TPTE: variants seen among roughly 807,000 people sequenced by gnomAD.
The protein encoded by TPTE is transmembrane phosphatase with tensin homology.
Under a neutral mutation model 84.1 loss-of-function variants are expected in TPTE, and 59 were observed. That is an observed-to-expected ratio of 0.70 (90% CI 0.57 to 0.87). TPTE has a LOEUF of 0.87. Ranked by LOEUF, TPTE falls within the 40% of genes least tolerant of loss-of-function variation. The pLI is 0.00. For missense variants in TPTE, 382 were observed against 659.6 expected (o/e 0.58, Z 4.61); for synonymous variants, 130 against 223.5 (o/e 0.58, Z 3.73).
chr21:10,566,768 G>C (rs2074929824), intron 10 of TPTE, among the ~76,000 whole-genome samples: 1 of 152,304 alleles, frequency 6.6e-6, no homozygotes, highest in South Asian at 2.1e-4. Flanking sequence ...CCTGAAGTCG[G>C]GAGTTCGAGA....
intron 17 of TPTE, among the ~76,000 whole-genome samples, chr21:10,583,080 C>T (rs2075298872): frequency 6.6e-6 from 1 of 152,312 alleles, no homozygotes. Flanking sequence ...CACATGTGGC[C>T]ACATTTTTGT....
intron 4 of TPTE, among the ~76,000 whole-genome samples, chr21:10,539,934 G>A (rs1362382328): frequency 4.1e-4 from 62 of 152,402 alleles, no homozygotes; most frequent in African/African-American, 1.3e-3. Context: ...GCTTGAACCC[G>A]GGAGGCAGAG....
intron 3 of TPTE, among the ~76,000 whole-genome samples, chr21:10,529,499 T>C (rs894248850): frequency 1.3e-5 from 2 of 152,312 alleles, no homozygotes; most frequent in African/African-American, 4.8e-5. Flanking sequence ...GCATTCACTT[T>C]CTTATTGTTA....
At chr21:10,573,909 T>C (rs1479489042) in intron 14 of TPTE, among the ~76,000 whole-genome samples, 49 of 152,374 alleles carry the variant, frequency 3.2e-4, no homozygotes, top group African/African-American at 1.0e-3. Flanking sequence ...GGCTCAAAAT[T>C]ATATATTAAT....
At chr21:10,593,085 C>T (rs1194948372) in intron 19 of TPTE, among the ~76,000 whole-genome samples, 1 of 152,306 alleles carries the variant, frequency 6.6e-6, no homozygotes, top group Non-Finnish European at 1.5e-5. Context: ...CATCACATTG[C>T]TGCAACAGTA....
chr21:10,531,201 G>A (rs573794346), intron 3 of TPTE, among the ~76,000 whole-genome samples: 17 of 152,424 alleles, frequency 1.1e-4, no homozygotes, highest in South Asian at 8.3e-4. Flanking sequence ...CCCCCAAACC[G>A]TATGTTGAAA....
Position 10,605,494 on chromosome 21 carries a change from T to G in TPTE, c.1598T>G (p.Val533Gly), listed in dbSNP as rs1211489256. The change falls in exon 24 of 24, where the codon GTG becomes GGG. Residue 533 changes from valine to glycine, a missense_variant. By Grantham distance (109) the Val-to-Gly change is moderately radical (BLOSUM62 -3). Around this residue, in one of 10 missense-constraint regions of TPTE, gnomAD observed 120 missense variants for 79.1 expected, o/e 1.52. Coordinates refer to ENST00000618007, the MANE Select transcript of TPTE (RefSeq NM_199261.4). ...AGAATTTATCCATCAGATTTTGCCG[T>G]GGAGATACTTTTTGGCGAGAAAATG... is the stretch of plus-strand genomic sequence containing the variant. ...ARRIYPSDFAVEILFGEKMTS... is the reference protein window; with the variant it reads ...ARRIYPSDFAGEILFGEKMTS... 6 of 1,614,112 alleles carry G rather than the reference T, an allele frequency of 3.7e-6. No homozygotes were observed. The highest frequency in any genetic ancestry group is 5.1e-6 in the Non-Finnish European group (6 of 1,180,016).
chr21:10,543,014 CTTT>C (rs1051322060), intron 6 of TPTE, among the ~76,000 whole-genome samples: 1 of 72,272 alleles, frequency 1.4e-5, no homozygotes, highest in East Asian at 5.5e-4. Context: ...TGACTGTATT[CTTT>C]TTTTTTTTTT....
chr21:10,556,792 GTGA>G (rs1169060599), intron 8 of TPTE, among the ~76,000 whole-genome samples: 18 of 152,306 alleles, frequency 1.2e-4, no homozygotes, highest in Non-Finnish European at 2.2e-4. Flanking sequence ...CTGATGGCCA[GTGA>G]TGATGAGCAT....
chr21:10,561,299 C>T, intron 10 of TPTE, 108 bp downstream of exon 10: 1 of 1,420,000 alleles, frequency 7.0e-7, no homozygotes, highest in Non-Finnish European at 9.6e-7. Context: ...CGAGACGATC[C>T]TGGCCAACAT....
At chr21:10,549,971 C>G (rs1270709481) in intron 7 of TPTE, among the ~76,000 whole-genome samples, 3 of 152,308 alleles carry the variant, frequency 2.0e-5, no homozygotes, top group African/African-American at 7.2e-5. Context: ...AGCTGATTTC[C>G]CAGTGGAAAC....
At chr21:10,542,215 C>T (rs527999564) in intron 5 of TPTE, among the ~76,000 whole-genome samples, 180 bp from the exon 6 acceptor site, 21 of 152,416 alleles carry the variant, frequency 1.4e-4, no homozygotes, top group Admixed American at 3.9e-4. Flanking sequence ...TTTTGGTTGT[C>T]GCCATATAAA....
At chr21:10,567,283 CAAT>C (rs1198005797) in intron 10 of TPTE, among the ~76,000 whole-genome samples, 13 of 152,290 alleles carry the variant, frequency 8.5e-5, no homozygotes, top group Non-Finnish European at 1.6e-4. Flanking sequence ...CCATAGTCAA[CAAT>C]AACTTGATTG....
rs745681114 is a variant in TPTE, at chr21:10,567,743, G to T, written c.520G>T (p.Val174Phe). The T allele has an allele frequency of 6.2e-7, 1 of 1,613,468 alleles. No homozygotes were observed. Among genetic ancestry groups the T allele is most frequent in the African/African-American group, 1.3e-5 (1 of 74,940 alleles). Residue 174 changes from valine (V) to phenylalanine (F), a missense_variant, in exon 11 of 24, where the codon GTC (valine) becomes TTC (phenylalanine). This residue lies in a region of TPTE where 85 missense variants were observed against 230.9 expected (regional missense o/e 0.37). Transcript: ENST00000618007. ...AIIVILLLVDVVYIFFDIKLL... is the reference protein window; with the variant it reads ...AIIVILLLVDFVYIFFDIKLL... ...TATTGTGATTCTTCTGCTGGTTGAT[G>T]TCGTTTACATTTTTTTTGACATTAA...
chr21:10,592,907 T>A (rs375599413), intron 19 of TPTE, among the ~76,000 whole-genome samples: 2 of 152,308 alleles, frequency 1.3e-5, no homozygotes, highest in Admixed American at 6.5e-5. Context: ...TCAAAACCCC[T>A]TCTGTATCCC....
intron 17 of TPTE, among the ~76,000 whole-genome samples, chr21:10,584,444 C>T (rs1600953966): frequency 6.6e-6 from 1 of 152,276 alleles, no homozygotes; most frequent in Admixed American, 6.5e-5. Flanking sequence ...CTCAGGTGAT[C>T]CTCCTATATC....
Position 10,542,276 on chromosome 21 carries a change from T to C in TPTE, c.66-119T>C, listed in dbSNP as rs1600871137. ...GACATTCCAGGTTCCAGTAGTACTATACACATGAATAGTCAGAAATTAATT... is the reference window on the plus strand; with the variant it reads ...GACATTCCAGGTTCCAGTAGTACTACACACATGAATAGTCAGAAATTAATT... On this transcript the variant is annotated intron_variant, in intron 5 of 23. Coordinates refer to ENST00000618007, the MANE Select transcript of TPTE (RefSeq NM_199261.4). 15 of 1,266,284 alleles carry C rather than the reference T, an allele frequency of 1.2e-5. No individual in the cohort carries two copies. The East Asian group carries it at 3.9e-4, about 33-fold the overall frequency. The allele number at this position is 1,266,284 out of a possible 1,614,324, so 78.4% of individuals were successfully genotyped here.
intron 7 of TPTE, among the ~76,000 whole-genome samples, chr21:10,545,288 ATTAG>A (rs1216388194): frequency 1.3e-5 from 2 of 151,728 alleles, no homozygotes; most frequent in Non-Finnish European, 2.9e-5. Flanking sequence ...ATTGTGATTC[ATTAG>A]TTTGTTTGTT....
At chr21:10,531,547 A>T (rs2074178858) in intron 3 of TPTE, among the ~76,000 whole-genome samples, 1 of 152,302 alleles carries the variant, frequency 6.6e-6, no homozygotes, top group African/African-American at 2.4e-5. Context: ...TTATGGCAAC[A>T]CTAAACAGAC....
Sources: gnomAD v4.1 joint callset for allele counts (sites outside exome capture counted in the v4.1 genomes callset) on GRCh38, gnomAD v4.1.1 for gene constraint, gnomAD v4.1.1 regional missense constraint, MANE v1.5 for transcripts, NCBI Gene and HGNC (gene_info 2026-07-23, HGNC 2026-07-21) for gene names.